Variants in DACH2 observed in about 807,000 individuals in gnomAD.
DACH2 encodes dachshund homolog 2.
A neutral mutation model predicts 35.8 loss-of-function variants in DACH2; 17 were observed. That is an observed-to-expected ratio of 0.48 (90% CI 0.33 to 0.71). DACH2 has a LOEUF of 0.71. Ranked by LOEUF, DACH2 falls within the 30% of genes least tolerant of loss-of-function variation. The pLI is 0.02. For missense variants in DACH2, 469 were observed against 472.7 expected, an observed-to-expected ratio of 0.99 and a Z score of 0.07; for synonymous variants, 195 against 177.3, an observed-to-expected ratio of 1.10 and a Z score of -0.79.
chrX:86,782,235 T>A, intron 7 of DACH2, among the ~76,000 whole-genome samples: 1 of 111,540 alleles, frequency 9.0e-6, no homozygotes. Context: ...ATTGAAAGAA[T>A]CAATATTGTT....
In DACH2 at chrX:86,512,041, T is replaced by C. The variant is rs62593936; in HGVS notation, c.528-2238T>C. On this transcript the variant is annotated intron_variant, in intron 2 of 11. Transcript: ENST00000373125. Reference sequence around the variant, plus strand: ...GTTTCCTATGTATATTAATTAATTGTTTTAATTAACTTTTTGCTGGATCTT... The same window carrying C: ...GTTTCCTATGTATATTAATTAATTGCTTTAATTAACTTTTTGCTGGATCTT... Among the ~76,000 whole-genome samples, 166 of 111,513 alleles carry C rather than the reference T, an allele frequency of 1.5e-3. 1 individual carries two copies. Among genetic ancestry groups the C allele is most frequent in the Non-Finnish European group, 2.9e-3 (152 of 53,121 alleles).
chrX:86,466,656 T>A (rs2037674326), intron 2 of DACH2, among the ~76,000 whole-genome samples: 1 of 111,855 alleles, frequency 8.9e-6, no homozygotes, highest in East Asian at 2.8e-4. Context: ...ACAATGGGGG[T>A]ATAGGTATTG....
chrX:86,247,133 A>G (rs2033301909), intron 1 of DACH2, among the ~76,000 whole-genome samples: 2 of 112,081 alleles, frequency 1.8e-5, no homozygotes, highest in South Asian at 7.4e-4. Context: ...TAACTATTCT[A>G]TATTTATATG....
chrX:86,239,342 C>A (rs925696831), intron 1 of DACH2, among the ~76,000 whole-genome samples: 2 of 110,955 alleles, frequency 1.8e-5, no homozygotes, highest in Non-Finnish European at 3.8e-5. Context: ...TGCAGAAGCC[C>A]CCCTTTTTAC....
chrX:86,688,968 A>T (rs751627681), intron 4 of DACH2, among the ~76,000 whole-genome samples: 2 of 111,511 alleles, frequency 1.8e-5, no homozygotes, highest in African/African-American at 6.5e-5. Context: ...TTAAATAGCC[A>T]CAGGTGACTA....
intron 7 of DACH2, among the ~76,000 whole-genome samples, chrX:86,803,596 C>G (rs1365233501): frequency 2.7e-5 from 3 of 109,788 alleles, no homozygotes; most frequent in Admixed American, 2.0e-4. Flanking sequence ...CGAAATCTTA[C>G]AGGGCTTTAA....
chrX:86,291,410 C>G (rs1230233488), intron 1 of DACH2, among the ~76,000 whole-genome samples: 1 of 95,876 alleles, frequency 1.0e-5, no homozygotes, highest in Non-Finnish European at 2.0e-5. Context: ...ATTGAATACC[C>G]TTTATTTCCT....
intron 3 of DACH2, among the ~76,000 whole-genome samples, chrX:86,569,282 G>A (rs915380408): frequency 9.0e-6 from 1 of 111,006 alleles, no homozygotes; most frequent in African/African-American, 3.3e-5. Flanking sequence ...GAACTTCTTA[G>A]CAGCCCACTT....
chrX:86,782,308 G>T (rs987041738), intron 7 of DACH2, among the ~76,000 whole-genome samples: 2 of 111,587 alleles, frequency 1.8e-5, no homozygotes, highest in African/African-American at 6.5e-5. Context: ...AAATACCAAT[G>T]ACATTGTTCA....
At chrX:86,477,339 C>CATATATATATATATAT (rs56255658) in intron 2 of DACH2, among the ~76,000 whole-genome samples, 6 of 75,849 alleles carry the variant, frequency 7.9e-5, no homozygotes, top group African/African-American at 2.4e-4. Flanking sequence ...GTGTTGAGTG[C>CATATATATATATATAT]ATATATATAT....
chrX:86,588,210 T>G (rs1275183756), intron 3 of DACH2, among the ~76,000 whole-genome samples: 1 of 110,969 alleles, frequency 9.0e-6, no homozygotes, highest in Non-Finnish European at 1.9e-5. Flanking sequence ...GGCAGTCTAT[T>G]CTTTCCATTG....
At chrX:86,783,152 GAC>G (rs1311279980) in intron 7 of DACH2, among the ~76,000 whole-genome samples, 1 of 111,758 alleles carries the variant, frequency 8.9e-6, no homozygotes, top group Non-Finnish European at 1.9e-5. Flanking sequence ...ATAGCAAACA[GAC>G]ACATGAAAAA....
At chrX:86,591,329 T>C (rs762846374) in intron 3 of DACH2, among the ~76,000 whole-genome samples, 1 of 111,467 alleles carries the variant, frequency 9.0e-6, no homozygotes, top group South Asian at 3.7e-4. Context: ...ATCCTTTGGG[T>C]ATACACCCAG....
chrX:86,737,812 A>C (rs1380842674), intron 6 of DACH2, among the ~76,000 whole-genome samples: 1 of 111,687 alleles, frequency 9.0e-6, no homozygotes, highest in African/African-American at 3.3e-5. Context: ...TTTTTACATG[A>C]ATATATTATG....
intron 3 of DACH2, among the ~76,000 whole-genome samples, chrX:86,515,187 T>C (rs1230157473): frequency 1.8e-5 from 2 of 111,091 alleles, no homozygotes; most frequent in African/African-American, 6.5e-5. Flanking sequence ...ATACGAGTAG[T>C]GGTCCTTGCC....
chrX:86,747,834 A>G (rs1004207545), intron 7 of DACH2, among the ~76,000 whole-genome samples: 7 of 111,723 alleles, frequency 6.3e-5, no homozygotes, highest in African/African-American at 2.3e-4. Context: ...TCTCTGTAGC[A>G]TGTGATGCTG....
chrX:86,791,895 G>A (rs2042190311), intron 7 of DACH2, among the ~76,000 whole-genome samples: 1 of 111,775 alleles, frequency 8.9e-6, no homozygotes, highest in African/African-American at 3.2e-5. Flanking sequence ...ATAAACTTGT[G>A]TTATGGGGGT....
intron 1 of DACH2, among the ~76,000 whole-genome samples, chrX:86,267,000 A>G (rs1304565924): frequency 8.9e-6 from 1 of 111,921 alleles, no homozygotes; most frequent in Non-Finnish European, 1.9e-5. Flanking sequence ...TATTTTCTCA[A>G]TGTTTGAAGC....
At chrX:86,572,329 A>T (rs1033444420) in intron 3 of DACH2, among the ~76,000 whole-genome samples, 1 of 111,683 alleles carries the variant, frequency 9.0e-6, no homozygotes, top group Non-Finnish European at 1.9e-5. Context: ...TGCAAAAAAA[A>T]ATTCAGTGTT....
Sources: allele counts gnomAD v4.1 joint callset (sites outside exome capture counted in the v4.1 genomes callset), GRCh38; gene constraint gnomAD v4.1.1; transcripts MANE v1.5; gene names NCBI Gene and HGNC (gene_info 2026-07-23, HGNC 2026-07-21).